PKN2: variants seen among roughly 807,000 people sequenced by gnomAD.
The protein encoded by PKN2 is serine/threonine-protein kinase N2.
In PKN2, 38 loss-of-function variants were observed where a neutral mutation model predicts 119.1. That is an observed-to-expected ratio of 0.32 (90% confidence interval 0.25 to 0.42). The LOEUF (loss-of-function observed/expected upper bound fraction) is 0.42. PKN2 is among the 10% of genes least tolerant of loss of function. The pLI, the probability that PKN2 is intolerant of heterozygous loss-of-function variation, is 1.00. For missense variants in PKN2, 850 were observed against 1,165.1 expected (o/e 0.73, Z 3.94); for synonymous variants, 390 against 384.9 (o/e 1.01, Z -0.15).
chr1:88,791,118 A>G (rs1490680254), intron 8 of PKN2, among the ~76,000 whole-genome samples: 1 of 152,158 alleles, frequency 6.6e-6, no homozygotes, highest in Non-Finnish European at 1.5e-5. Flanking sequence ...CTTTCTTAAG[A>G]ATGAGACACT....
At chr1:88,726,813 CTGTA>C (rs1667916731) in intron 1 of PKN2, among the ~76,000 whole-genome samples, 1 of 151,818 alleles carries the variant, frequency 6.6e-6, no homozygotes, top group East Asian at 1.9e-4. Flanking sequence ...GATTCATACT[CTGTA>C]TGCTTATGTT....
intron 18 of PKN2, among the ~76,000 whole-genome samples, chr1:88,825,174 C>T (rs786916): frequency 0.51 from 77,219 of 151,992 alleles, 20,312 homozygotes; most frequent in Middle Eastern, 0.7. Flanking sequence ...TAGATATATG[C>T]CCATCACATA....
chr1:88,755,166 A>G (rs1282890549), intron 2 of PKN2, among the ~76,000 whole-genome samples: 2 of 152,176 alleles, frequency 1.3e-5, no homozygotes, highest in African/African-American at 2.4e-5. Context: ...GAGAGTATTA[A>G]TGGGGAGTAG....
intron 1 of PKN2, among the ~76,000 whole-genome samples, chr1:88,689,356 G>C (rs914892529): frequency 2.6e-5 from 4 of 151,834 alleles, no homozygotes; most frequent in Non-Finnish European, 5.9e-5. Flanking sequence ...TTACTTACTA[G>C]AATTTTGAAG....
chr1:88,758,382 T>TA (rs397767320), intron 2 of PKN2, among the ~76,000 whole-genome samples: 1 of 152,030 alleles, frequency 6.6e-6, no homozygotes, highest in Admixed American at 6.5e-5. Context: ...GCTTTTTTTT[T>TA]AACTTTTATT....
Position 88,770,407 on chromosome 1 carries a change from T to C in PKN2, c.560T>C (p.Ile187Thr). Reference sequence around the variant, plus strand: ...CTGCTCCAGGACAGCAAGACAAAAATAGAAGTCATACGAATGCAGATTCTT... The same window carrying C: ...CTGCTCCAGGACAGCAAGACAAAAACAGAAGTCATACGAATGCAGATTCTT... ...QQLLQDSKTK[I>T]EVIRMQILQA... is the part of the protein sequence containing the mutation. The change falls in exon 4 of 22, where the codon ATA (isoleucine) becomes ACA (threonine). Residue 187 changes from isoleucine (I) to threonine (T), a missense_variant. This residue lies in a region of PKN2 where 350 missense variants were observed against 511.1 expected (regional missense o/e 0.68). Transcript: ENST00000370521. 3 of 1,613,608 alleles carry C rather than the reference T, an allele frequency of 1.9e-6. No individual in the cohort carries two copies. The highest frequency in any genetic ancestry group is 1.7e-6 in the Non-Finnish European group (2 of 1,179,600).
chr1:88,703,867 A>T (rs1477449623), intron 1 of PKN2, among the ~76,000 whole-genome samples: 1 of 152,170 alleles, frequency 6.6e-6, no homozygotes, highest in East Asian at 1.9e-4. Context: ...AAGATATCCT[A>T]ACTCTAGTAG....
chr1:88,721,674 G>A (rs112509834), intron 1 of PKN2, among the ~76,000 whole-genome samples: 1,524 of 152,244 alleles, frequency 0.01, 22 homozygotes, highest in African/African-American at 0.035. Context: ...ATTAATTAAG[G>A]TCTTATTGGA....
In PKN2 at chr1:88,824,297, T is replaced by C. The variant is rs754601339; in HGVS notation, c.2343-13T>C. ...TTTTTTTTTTTCATGCTGTATCTTT[T>C]TATCCTGAACAGAGATTTGAAATTG... On this transcript the variant is annotated splice_polypyrimidine_tract_variant and intron_variant, in intron 17 of 21. Coordinates refer to ENST00000370521, the MANE Select transcript of PKN2 (RefSeq NM_006256.4). 6.8e-6 allele frequency: 10 copies of C among 1,461,942 alleles called. No individual in the cohort carries two copies. Among genetic ancestry groups the C allele is most frequent in the Non-Finnish European group, 9.5e-6 (10 of 1,053,800 alleles). 90.6% of individuals were successfully genotyped at this position (1,461,942 alleles called of 1,614,324 possible). A position where few individuals can be genotyped will look rare whatever the true frequency, so the allele number is the denominator to read the frequency against.
Position 88,834,046 on chromosome 1 carries a change from A to C in PKN2, c.*598A>C, listed in dbSNP as rs1173570896. ...TAAATGTTCTATATTTATTAGGAGA[A>C]AACTTTATATTGCCTTTTTTATCAA... On this transcript the variant is annotated 3_prime_UTR_variant, in exon 22 of 22. Coordinates refer to ENST00000370521, the MANE Select transcript of PKN2 (RefSeq NM_006256.4). 6.6e-6 allele frequency: 1 copy of C among 152,042 alleles called. No homozygotes were observed. Among genetic ancestry groups the C allele is most frequent in the East Asian group, 1.9e-4 (1 of 5,194 alleles). The allele number at this position is 152,042 out of a possible 1,614,324, so 9.4% of individuals were successfully genotyped here.
chr1:88,728,227 T>C (rs1038720852), intron 1 of PKN2, among the ~76,000 whole-genome samples: 4 of 152,136 alleles, frequency 2.6e-5, no homozygotes, highest in African/African-American at 4.8e-5. Context: ...TGAAGAGATA[T>C]AAGCCTACTC....
intron 16 of PKN2, among the ~76,000 whole-genome samples, chr1:88,820,214 AT>A (rs1557634907): frequency 7.0e-5 from 8 of 115,106 alleles, no homozygotes; most frequent in Non-Finnish European, 1.0e-4. Context: ...ATATATATAT[AT>A]ATATATATAT....
chr1:88,734,632 C>G (rs1235478938), intron 1 of PKN2, among the ~76,000 whole-genome samples: 1 of 152,060 alleles, frequency 6.6e-6, no homozygotes, highest in Non-Finnish European at 1.5e-5. Flanking sequence ...AGTATGATGC[C>G]TCCAGCTTTG....
At chr1:88,704,844 AAT>A (rs1222865940) in intron 1 of PKN2, among the ~76,000 whole-genome samples, 2 of 150,060 alleles carry the variant, frequency 1.3e-5, no homozygotes, top group African/African-American at 5.0e-5. Flanking sequence ...TGGTACAGTT[AAT>A]AGTTTTAATT....
chr1:88,779,012 C>T (rs542291852), intron 6 of PKN2, among the ~76,000 whole-genome samples: 1 of 152,292 alleles, frequency 6.6e-6, no homozygotes, highest in South Asian at 2.1e-4. Context: ...CATGAGCCGC[C>T]GCGCCCAGCC....
intron 2 of PKN2, 69 bp downstream of exon 2, chr1:88,741,357 G>T: frequency 9.7e-7 from 1 of 1,029,208 alleles, no homozygotes; most frequent in African/African-American, 1.7e-5. Context: ...TTAGAAAATA[G>T]TAAGTTTGGG....
At chr1:88,819,335 A>C (rs928130520) in intron 16 of PKN2, among the ~76,000 whole-genome samples, 39 of 152,328 alleles carry the variant, frequency 2.6e-4, no homozygotes, top group African/African-American at 9.1e-4. Flanking sequence ...ACAAGAAAAA[A>C]AACAGCCCCA....
chr1:88,769,535 A>ATAG (rs1413916285), intron 3 of PKN2, among the ~76,000 whole-genome samples: 1 of 152,214 alleles, frequency 6.6e-6, no homozygotes, highest in East Asian at 1.9e-4. Context: ...TTTCTAAAAG[A>ATAG]TAGTAATAAG....
chr1:88,772,682 G>T (rs896100341), intron 6 of PKN2, among the ~76,000 whole-genome samples: 1 of 152,020 alleles, frequency 6.6e-6, no homozygotes, highest in Non-Finnish European at 1.5e-5. Context: ...CAATTTGGGG[G>T]TATATTCCTA....
Sources: allele counts gnomAD v4.1 joint callset (sites outside exome capture counted in the v4.1 genomes callset), GRCh38; gene constraint gnomAD v4.1.1; regional missense constraint gnomAD v4.1.1; transcripts MANE v1.5; gene names NCBI Gene and HGNC (gene_info 2026-07-23, HGNC 2026-07-21).